KAZN: variants seen among roughly 807,000 people sequenced by gnomAD.
The protein encoded by KAZN is kazrin.
Under a neutral mutation model 87.4 loss-of-function variants are expected in KAZN, and 40 were observed. The observed-to-expected ratio is 0.46, with a 90% confidence interval of 0.36 to 0.60. The LOEUF (loss-of-function observed/expected upper bound fraction) is 0.60, where lower values mean the gene tolerates loss of function less well. Among genes scored for constraint, KAZN ranks in the 20% least tolerant of loss-of-function variants. The pLI, the probability that KAZN is intolerant of heterozygous loss-of-function variation, is 0.00. For missense variants in KAZN, 898 were observed against 1,073.9 expected, an observed-to-expected ratio of 0.84 and a Z score of 2.29; for synonymous variants, 466 against 458.3, an observed-to-expected ratio of 1.02 and a Z score of -0.22.
chr1:14,757,490 G>C (rs1644602633), intron 1 of KAZN, among the ~76,000 whole-genome samples: 1 of 152,174 alleles, frequency 6.6e-6, no homozygotes, highest in Admixed American at 6.5e-5. Flanking sequence ...ACCCTTCTGA[G>C]CTTTAGTTTC....
At chr1:15,088,772 G>T (rs114105782) in intron 8 of KAZN, among the ~76,000 whole-genome samples, 2 of 152,258 alleles carry the variant, frequency 1.3e-5, no homozygotes, top group African/African-American at 2.4e-5. Context: ...GTCCTCAGGG[G>T]TGGGGGAGAA....
intron 2 of KAZN, among the ~76,000 whole-genome samples, chr1:14,213,426 C>T (rs1301065015): frequency 6.6e-6 from 1 of 152,132 alleles, no homozygotes; most frequent in Non-Finnish European, 1.5e-5. Flanking sequence ...GTTTGTAGCA[C>T]AGGCCTGAAG....
chr1:14,971,681 C>CTTTTTTTTTTT (rs1009399616), intron 2 of KAZN, among the ~76,000 whole-genome samples: 1 of 104,820 alleles, frequency 9.5e-6, no homozygotes, highest in Non-Finnish European at 1.9e-5. Context: ...TTTTCTTTTT[C>CTTTTTTTTTTT]TTTTTTTTTT....
chr1:14,600,666 C>CAAAAAAAA (rs59840012), intron 1 of KAZN, among the ~76,000 whole-genome samples: 2 of 118,508 alleles, frequency 1.7e-5, no homozygotes, highest in Non-Finnish European at 1.8e-5. Context: ...GGAACCTGTG[C>CAAAAAAAA]AAAAAAAAAA....
chr1:14,700,470 TAA>T (rs35974230), intron 1 of KAZN, among the ~76,000 whole-genome samples: 2 of 144,438 alleles, frequency 1.4e-5, no homozygotes, highest in African/African-American at 2.6e-5. Context: ...GACTCTGTCT[TAA>T]AAAAAAAAAA....
At chr1:14,508,341 A>G (rs1670716149) in intron 2 of KAZN, among the ~76,000 whole-genome samples, 1 of 152,144 alleles carries the variant, frequency 6.6e-6, no homozygotes. Flanking sequence ...TGTGCAACAG[A>G]TTACCCCCAA....
chr1:14,917,770 A>G (rs934102709), intron 1 of KAZN, among the ~76,000 whole-genome samples: 5 of 152,188 alleles, frequency 3.3e-5, no homozygotes, highest in African/African-American at 4.8e-5. Flanking sequence ...GATGACCCCA[A>G]TGATCCTGCC....
At chr1:14,063,866 A>T (rs1427536108) in intron 1 of KAZN, among the ~76,000 whole-genome samples, 4 of 152,184 alleles carry the variant, frequency 2.6e-5, no homozygotes, top group Non-Finnish European at 4.4e-5. Flanking sequence ...CTGCCATCAT[A>T]TAAGACGTCA....
chr1:14,632,827 G>C (rs571401088), intron 1 of KAZN, among the ~76,000 whole-genome samples: 1 of 152,084 alleles, frequency 6.6e-6, no homozygotes, highest in Admixed American at 6.5e-5. Context: ...GGTGTGGACC[G>C]TGGCGTGACC....
chr1:13,924,530 G>A (rs566267461), intron 1 of KAZN, among the ~76,000 whole-genome samples: 23 of 152,250 alleles, frequency 1.5e-4, no homozygotes, highest in Middle Eastern at 3.4e-3. Context: ...GCTGGGAACC[G>A]CTTAGGGCAA....
intron 2 of KAZN, among the ~76,000 whole-genome samples, chr1:14,560,313 A>C (rs1288466720): frequency 6.6e-6 from 1 of 152,174 alleles, no homozygotes; most frequent in East Asian, 1.9e-4. Flanking sequence ...CTGGGTTCAA[A>C]TTCTGACCCC....
At chr1:14,426,020 G>A (rs1372923830) in intron 2 of KAZN, among the ~76,000 whole-genome samples, 2 of 152,198 alleles carry the variant, frequency 1.3e-5, no homozygotes, top group Non-Finnish European at 2.9e-5. Flanking sequence ...TGAACACAGT[G>A]ACAACTCAGC....
chr1:14,754,863 T>C (rs1211664902), intron 1 of KAZN, among the ~76,000 whole-genome samples: 1 of 152,062 alleles, frequency 6.6e-6, no homozygotes, highest in African/African-American at 2.4e-5. Context: ...TCAGGTGACT[T>C]AACCTTGCTG....
chr1:14,485,892 CAAAAAAA>C (rs1038275850), intron 2 of KAZN, among the ~76,000 whole-genome samples: 2 of 85,540 alleles, frequency 2.3e-5, no homozygotes, highest in Admixed American at 1.3e-4. Flanking sequence ...GACTCCATCT[CAAAAAAA>C]AAAAAAAAAA....
At chr1:14,166,246 C>T (rs1424730222) in intron 1 of KAZN, among the ~76,000 whole-genome samples, 1 of 152,162 alleles carries the variant, frequency 6.6e-6, no homozygotes, top group Admixed American at 6.5e-5. Flanking sequence ...ACCTGGGCGG[C>T]AGAGGCTGCA....
chr1:14,510,103 G>A (rs1055436599), intron 2 of KAZN, among the ~76,000 whole-genome samples: 3 of 152,156 alleles, frequency 2.0e-5, no homozygotes, highest in Admixed American at 1.3e-4. Flanking sequence ...TACAGGACTT[G>A]GCCAGGCACA....
intron 1 of KAZN, among the ~76,000 whole-genome samples, chr1:14,864,250 T>A (rs1330216924): frequency 3.3e-5 from 5 of 152,206 alleles, no homozygotes; most frequent in East Asian, 1.9e-4. Context: ...AACTACAATG[T>A]CAAGGGACTG....
At chr1:14,551,933 C>T (rs528145767) in intron 2 of KAZN, among the ~76,000 whole-genome samples, 4 of 152,292 alleles carry the variant, frequency 2.6e-5, no homozygotes, top group East Asian at 1.9e-4. Context: ...CTTCTCTACT[C>T]ATTACCGTCA....
rs141177308 is a variant in KAZN, at chr1:15,086,129, C to A, written c.1223-8051C>A. On this transcript the variant is annotated intron_variant, in intron 8 of 14. Transcript: ENST00000376030. ...GGGATTACAGGCGCCCCCGACCACG[C>A]CCGGCTAATTTTGGTATTTTTAGTA... 8.0e-4 allele frequency among the ~76,000 whole-genome samples: 122 copies of A among 152,244 alleles called. No individual in the cohort carries two copies. The East Asian group carries it at 0.017, about 21-fold the overall frequency.
Sources: allele counts gnomAD v4.1 joint callset (sites outside exome capture counted in the v4.1 genomes callset), GRCh38; gene constraint gnomAD v4.1.1; transcripts MANE v1.5; gene names NCBI Gene and HGNC (gene_info 2026-07-23, HGNC 2026-07-21).